AUTS2: variants seen among roughly 807,000 people sequenced by gnomAD.
AUTS2 encodes autism susceptibility gene 2 protein.
A neutral mutation model predicts 112.4 loss-of-function variants in AUTS2; 17 were observed. That is an observed-to-expected ratio of 0.15 (90% CI 0.10 to 0.23). The LOEUF is 0.23. Among genes scored for constraint, AUTS2 ranks in the 10% least tolerant of loss-of-function variants. AUTS2 has a pLI of 1.00. For missense variants in AUTS2, 1,510 were observed against 1,701.6 expected (o/e 0.89, Z 1.98); for synonymous variants, 751 against 702.7 (o/e 1.07, Z -1.09).
chr7:69,694,051 A>C (rs1400191474), intron 1 of AUTS2, among the ~76,000 whole-genome samples: 1 of 152,130 alleles, frequency 6.6e-6, no homozygotes, highest in Non-Finnish European at 1.5e-5. Flanking sequence ...ATTTTACCTT[A>C]TTGTTCTGCC....
At chr7:70,492,026 G>A (rs1039947082) in intron 5 of AUTS2, among the ~76,000 whole-genome samples, 10 of 152,052 alleles carry the variant, frequency 6.6e-5, no homozygotes, top group African/African-American at 7.3e-5. Flanking sequence ...CCTTCCTGGC[G>A]CCTGTGTTCC....
intron 5 of AUTS2, among the ~76,000 whole-genome samples, chr7:70,630,096 G>C (rs1223743163): frequency 6.6e-6 from 1 of 152,138 alleles, no homozygotes; most frequent in Non-Finnish European, 1.5e-5. Flanking sequence ...TTTACACATG[G>C]GGTTTGCAGA....
chr7:70,418,531 A>G (rs1002687319), intron 4 of AUTS2, among the ~76,000 whole-genome samples: 1 of 152,182 alleles, frequency 6.6e-6, no homozygotes, highest in Non-Finnish European at 1.5e-5. Context: ...GGGACAAAAA[A>G]GTCATAGCTG....
chr7:69,899,413 A>G lies in AUTS2; in HGVS notation c.437A>G (p.His146Arg), dbSNP rs1293953328. Residue 146 changes from histidine (H) to arginine (R), a missense_variant, in exon 2 of 19, where the codon CAC becomes CGC. Coordinates refer to ENST00000342771, the MANE Select transcript of AUTS2 (RefSeq NM_015570.4). ...AAGAAGAGCAGACTCAGCCACCCAC[A>G]CCACTACAGCTCAGATCGAGAAAAT... The part of the protein sequence containing the change: ...HSKKSRLSHP[H>R]HYSSDRENDR... The G allele has an allele frequency of 6.2e-7, 1 of 1,614,010 alleles. No homozygotes were observed. The highest frequency in any genetic ancestry group is 8.5e-7 in the Non-Finnish European group (1 of 1,179,892).
intron 4 of AUTS2, chr7:70,317,016 G>A (rs1209126663): frequency 1.3e-5 from 2 of 152,194 alleles, no homozygotes; most frequent in Non-Finnish European, 2.9e-5. Flanking sequence ...CCGGCGGAAG[G>A]GAGTTTGATG....
At chr7:69,668,051 G>C (rs1796150671) in intron 1 of AUTS2, among the ~76,000 whole-genome samples, 1 of 135,624 alleles carries the variant, frequency 7.4e-6, no homozygotes, top group South Asian at 2.5e-4. Flanking sequence ...ATGATGACAG[G>C]CAACAAATGA....
At chr7:70,286,830 A>G (rs1443162592) in intron 4 of AUTS2, among the ~76,000 whole-genome samples, 1 of 152,176 alleles carries the variant, frequency 6.6e-6, no homozygotes, top group African/African-American at 2.4e-5. Context: ...CCTTATAAAA[A>G]CATCAATATC....
At chr7:69,783,088 CTTTTTT>C (rs398047755) in intron 1 of AUTS2, among the ~76,000 whole-genome samples, 12 of 85,124 alleles carry the variant, frequency 1.4e-4, no homozygotes, top group African/African-American at 4.7e-4. Context: ...TGCTGCTCAT[CTTTTTT>C]TTTTTTTTTT....
At chr7:70,724,401 C>A (rs980892189) in intron 6 of AUTS2, among the ~76,000 whole-genome samples, 4 of 145,340 alleles carry the variant, frequency 2.8e-5, no homozygotes, top group Non-Finnish European at 4.5e-5. Context: ...AGAATTAAAA[C>A]ATCAGTTTAT....
chr7:70,491,001 A>G (rs1798206924), intron 5 of AUTS2, among the ~76,000 whole-genome samples: 1 of 152,162 alleles, frequency 6.6e-6, no homozygotes, highest in Admixed American at 6.5e-5. Flanking sequence ...ATCAAGAGAG[A>G]AGGCGGGTGT....
intron 2 of AUTS2, among the ~76,000 whole-genome samples, chr7:70,102,531 T>TCACACA (rs141456617): frequency 6.7e-6 from 1 of 149,754 alleles, no homozygotes; most frequent in East Asian, 1.9e-4. Flanking sequence ...TTTGGTTAGA[T>TCACACA]CACACACACA....
intron 5 of AUTS2, among the ~76,000 whole-genome samples, chr7:70,571,429 C>A (rs1454608727): frequency 6.6e-6 from 1 of 152,224 alleles, no homozygotes; most frequent in Non-Finnish European, 1.5e-5. Flanking sequence ...ACCCCATCTT[C>A]AGTGTTCTGT....
chr7:69,660,414 T>C (rs1280737072), intron 1 of AUTS2, among the ~76,000 whole-genome samples: 3 of 152,190 alleles, frequency 2.0e-5, no homozygotes, highest in Non-Finnish European at 2.9e-5. Context: ...CTTTTTAGAC[T>C]TCATGGTGAC....
At chr7:70,615,605 G>GTTGTTGTTGT (rs1436846954) in intron 5 of AUTS2, among the ~76,000 whole-genome samples, 3 of 126,692 alleles carry the variant, frequency 2.4e-5, no homozygotes, top group Non-Finnish European at 5.0e-5. Context: ...GTTGTTGTTG[G>GTTGTTGTTGT]AAAAGCATTT....
chr7:70,394,355 C>T (rs986008164), intron 4 of AUTS2, among the ~76,000 whole-genome samples: 1 of 152,182 alleles, frequency 6.6e-6, no homozygotes, highest in Non-Finnish European at 1.5e-5. Flanking sequence ...ACAGGTTATG[C>T]ACCATAGTGG....
intron 1 of AUTS2, among the ~76,000 whole-genome samples, chr7:69,867,557 C>T (rs576843646): frequency 6.6e-6 from 1 of 152,280 alleles, no homozygotes; most frequent in Non-Finnish European, 1.5e-5. Flanking sequence ...TGTTCTGGTT[C>T]TGAGGTCTAG....
intron 4 of AUTS2, among the ~76,000 whole-genome samples, chr7:70,422,556 C>G (rs1562948786): frequency 6.6e-6 from 1 of 152,118 alleles, no homozygotes; most frequent in Non-Finnish European, 1.5e-5. Flanking sequence ...GTGGGTGGAT[C>G]ACCTGAGGTC....
intron 1 of AUTS2, among the ~76,000 whole-genome samples, chr7:69,633,889 T>G (rs1794392204): frequency 6.6e-6 from 1 of 152,168 alleles, no homozygotes; most frequent in African/African-American, 2.4e-5. Context: ...TCTTCCAATT[T>G]GTAGGCTGCC....
chr7:70,760,223 T>C (rs1789481191), intron 6 of AUTS2, among the ~76,000 whole-genome samples: 2 of 152,206 alleles, frequency 1.3e-5, no homozygotes, highest in Non-Finnish European at 2.9e-5. Context: ...GCCAGGATGG[T>C]CTCGATCTCC....
Sources: allele counts gnomAD v4.1 joint callset (sites outside exome capture counted in the v4.1 genomes callset), GRCh38; gene constraint gnomAD v4.1.1; transcripts MANE v1.5; gene names NCBI Gene and HGNC (gene_info 2026-07-23, HGNC 2026-07-21).